Variants in CNTN4 observed in about 807,000 individuals in gnomAD.
CNTN4 encodes the protein contactin 4, also known as contactin-4.
Under a neutral mutation model 122.5 loss-of-function variants are expected in CNTN4, and 77 were observed. That is an observed-to-expected ratio of 0.63 (90% CI 0.52 to 0.76). The LOEUF is 0.76. CNTN4 is among the 30% of genes least tolerant of loss of function. The pLI is 0.00. For missense variants in CNTN4, 1,256 were observed against 1,259.1 expected (o/e 1.00, Z 0.04); for synonymous variants, 512 against 447.0 (o/e 1.15, Z -1.83).
intron 2 of CNTN4, among the ~76,000 whole-genome samples, chr3:2,227,084 A>C (rs1228003187): frequency 1.3e-5 from 2 of 152,106 alleles, no homozygotes; most frequent in Admixed American, 6.5e-5. Flanking sequence ...TTCTGTTACT[A>C]CCTGCGTATT....
At position 2,964,112 on chromosome 3, in the gene CNTN4, A is replaced by G. The variant is rs533216233; in HGVS notation, c.1359-24233A>G. Among the ~76,000 whole-genome samples the G allele has an allele frequency of 3.9e-5, 6 of 152,304 alleles. No individual in the cohort carries two copies. In the South Asian group the frequency reaches 1.2e-3, roughly 32 times the overall value. ...GCACTATTAGTGTTTTTGAGCATTCATAGGGACATTTATATTTCAGGGATA... is the reference window on the plus strand; with the variant it reads ...GCACTATTAGTGTTTTTGAGCATTCGTAGGGACATTTATATTTCAGGGATA... On this transcript the variant is annotated intron_variant, in intron 13 of 24. Coordinates refer to ENST00000418658, the MANE Select transcript of CNTN4 (RefSeq NM_175607.3).
At chr3:2,675,568 G>C (rs148186880) in intron 4 of CNTN4, among the ~76,000 whole-genome samples, 4 of 152,224 alleles carry the variant, frequency 2.6e-5, no homozygotes, top group Non-Finnish European at 5.9e-5. Context: ...AAGAATGAAA[G>C]CTCCACGAAG....
intron 7 of CNTN4, among the ~76,000 whole-genome samples, chr3:2,823,680 C>T (rs1379912166): frequency 6.6e-6 from 1 of 152,130 alleles, no homozygotes; most frequent in Non-Finnish European, 1.5e-5. Flanking sequence ...GAATTCATGA[C>T]CTTTAACCAA....
rs903188517 is a variant in CNTN4, at chr3:3,020,532, C to T, written c.1487-5570C>T. Among the ~76,000 whole-genome samples the T allele has an allele frequency of 2.0e-4, 30 of 152,240 alleles. 2 individuals are homozygous for T. Among genetic ancestry groups the T allele is most frequent in the Middle Eastern group, 6.8e-3 (2 of 294 alleles). ...GCTCTTCAAGACAGTAGGCTTTTTCCAGCCTGGCTGGCCACTAGCAGAACT... is the reference window on the plus strand; with the variant it reads ...GCTCTTCAAGACAGTAGGCTTTTTCTAGCCTGGCTGGCCACTAGCAGAACT... On this transcript the variant is annotated intron_variant, in intron 14 of 24. Transcript: ENST00000418658.
At chr3:2,554,351 A>G (rs546588408) in intron 3 of CNTN4, among the ~76,000 whole-genome samples, 1 of 152,036 alleles carries the variant, frequency 6.6e-6, no homozygotes, top group Non-Finnish European at 1.5e-5. Context: ...GCAAAAAAAA[A>G]CCCAAACATA....
At position 3,056,027 on chromosome 3, in the gene CNTN4, A is replaced by G. The variant is rs1701757761; in HGVS notation, c.2981-93A>G. On this transcript the variant is annotated intron_variant, in intron 24 of 24. Coordinates refer to ENST00000418658, the MANE Select transcript of CNTN4 (RefSeq NM_175607.3). Reference sequence around the variant, plus strand: ...TTGATCATCATTTCCAGTAGAATCCATGCAGTTCTGCTGTTTCAAAAAGCC... The same window carrying G: ...TTGATCATCATTTCCAGTAGAATCCGTGCAGTTCTGCTGTTTCAAAAAGCC... 2.6e-5 allele frequency: 21 copies of G among 807,278 alleles called. No homozygotes were observed. The South Asian group carries it at 3.1e-4, about 12-fold the overall frequency. 50.0% of individuals were successfully genotyped at this position (807,278 alleles called of 1,614,324 possible).
chr3:2,396,656 G>T (rs949059136), intron 3 of CNTN4, among the ~76,000 whole-genome samples: 16 of 145,104 alleles, frequency 1.1e-4, no homozygotes, highest in African/African-American at 3.8e-4. Flanking sequence ...TTATGTCTGG[G>T]TTTTTTTTTT....
At chr3:2,780,008 C>T (rs1279456130) in intron 6 of CNTN4, among the ~76,000 whole-genome samples, 2 of 152,142 alleles carry the variant, frequency 1.3e-5, no homozygotes, top group Non-Finnish European at 2.9e-5. Flanking sequence ...ATTTTAAGTA[C>T]TCACTGATAA....
At position 2,705,728 on chromosome 3, in the gene CNTN4, AAT is replaced by A. The variant is rs1459760079; in HGVS notation, c.56-30480_56-30479del. On this transcript the variant is annotated intron_variant, in intron 4 of 24. Transcript: ENST00000418658. Reference sequence around the variant, plus strand: ...AATATATAATATATACAACATATAAAATATATATGATATATATGATATATAAT... The same window carrying A: ...AATATATAATATATACAACATATAAAATATATGATATATATGATATATAAT... 1.1e-4 allele frequency among the ~76,000 whole-genome samples: 11 copies of A among 98,852 alleles called. No individual in the cohort carries two copies. The East Asian group carries it at 3.4e-3, about 30-fold the overall frequency. 64.9% of individuals were successfully genotyped at this position (98,852 alleles called of 152,430 possible). A position where few individuals can be genotyped will look rare whatever the true frequency, so the allele number is the denominator to read the frequency against.
chr3:2,810,976 T>C (rs1049791497), intron 6 of CNTN4, among the ~76,000 whole-genome samples: 1 of 151,656 alleles, frequency 6.6e-6, no homozygotes, highest in African/African-American at 2.4e-5. Context: ...GTATTAAGGA[T>C]TTCCATAGTG....
chr3:2,153,423 C>T (rs1304549244), intron 2 of CNTN4, among the ~76,000 whole-genome samples: 1 of 152,172 alleles, frequency 6.6e-6, no homozygotes, highest in African/African-American at 2.4e-5. Flanking sequence ...AAGAATTGGT[C>T]ATTGGATGTG....
In CNTN4 at chr3:2,699,977, A is replaced by C. The variant is rs79014223; in HGVS notation, c.56-36238A>C. On this transcript the variant is annotated intron_variant, in intron 4 of 24. Coordinates refer to ENST00000418658, the MANE Select transcript of CNTN4 (RefSeq NM_175607.3). ...TGTCTCCTCTCATAATGCTGCACCA[A>C]ACAGATGGAATGGCAAGCTGTCTAT... 8.3e-3 allele frequency among the ~76,000 whole-genome samples: 1,264 copies of C among 152,258 alleles called. 13 individuals carry two copies. Among genetic ancestry groups the C allele is most frequent in the African/African-American group, 0.028 (1,170 of 41,548 alleles).
chr3:2,101,606 G>A (rs2031967623), intron 2 of CNTN4, among the ~76,000 whole-genome samples: 2 of 152,154 alleles, frequency 1.3e-5, no homozygotes, highest in African/African-American at 4.8e-5. Context: ...TTTAAGCCTA[G>A]TGAAGGAGGC....
At chr3:2,515,240 G>A (rs903537855) in intron 3 of CNTN4, among the ~76,000 whole-genome samples, 2 of 152,138 alleles carry the variant, frequency 1.3e-5, no homozygotes, top group Non-Finnish European at 2.9e-5. Context: ...ATGTAAGTGT[G>A]TATAGATTGC....
intron 2 of CNTN4, among the ~76,000 whole-genome samples, chr3:2,255,965 C>T (rs1033819090): frequency 1.3e-5 from 2 of 151,862 alleles, no homozygotes; most frequent in Non-Finnish European, 2.9e-5. Context: ...GAGATAGAGA[C>T]ATGAAAAACC....
chr3:2,367,296 C>T (rs1232649272), intron 3 of CNTN4, among the ~76,000 whole-genome samples: 4 of 152,072 alleles, frequency 2.6e-5, no homozygotes, highest in African/African-American at 9.7e-5. Flanking sequence ...AGTTGCTTTT[C>T]CAGATTTTAT....
chr3:2,992,170 C>A (rs2125317040), intron 14 of CNTN4, among the ~76,000 whole-genome samples: 1 of 152,290 alleles, frequency 6.6e-6, no homozygotes, highest in South Asian at 2.1e-4. Context: ...CTCTGACAAG[C>A]AATCATCACA....
chr3:2,918,466 A>G (rs2094393082), intron 12 of CNTN4, among the ~76,000 whole-genome samples: 1 of 152,116 alleles, frequency 6.6e-6, no homozygotes, highest in Non-Finnish European at 1.5e-5. Context: ...CCTTCTCCTA[A>G]GTACATGTTG....
At chr3:2,639,884 T>C (rs950791665) in intron 4 of CNTN4, among the ~76,000 whole-genome samples, 1 of 152,216 alleles carries the variant, frequency 6.6e-6, no homozygotes, top group Admixed American at 6.5e-5. Flanking sequence ...ATATTTTTTG[T>C]AATAGCTTAA....
Sources: gnomAD v4.1 joint callset for allele counts (sites outside exome capture counted in the v4.1 genomes callset) on GRCh38, gnomAD v4.1.1 for gene constraint, MANE v1.5 for transcripts, NCBI Gene and HGNC (gene_info 2026-07-23, HGNC 2026-07-21) for gene names.